CCDC144A: variants seen among roughly 807,000 people sequenced by gnomAD.
The protein encoded by CCDC144A is coiled-coil domain containing 144A, also known as coiled-coil domain-containing protein 144A.
In CCDC144A, 41 loss-of-function variants were observed where a neutral mutation model predicts 143.8. The observed-to-expected ratio is 0.29, with a 90% confidence interval of 0.22 to 0.37. The LOEUF is 0.37. CCDC144A is among the 10% of genes least tolerant of loss of function. The pLI is 1.00. For synonymous variants in CCDC144A, 242 were observed against 517.9 expected (o/e 0.47, Z 7.23); for missense variants, 637 against 1,488.8 (o/e 0.43, Z 9.41).
intron 12 of CCDC144A, among the ~76,000 whole-genome samples, chr17:16,748,675 T>G (rs2143307084): frequency 6.6e-6 from 1 of 152,334 alleles, no homozygotes. Context: ...ACAGCTTTTC[T>G]TTGTATGTCT....
intron 6 of CCDC144A, among the ~76,000 whole-genome samples, chr17:16,719,194 A>T (rs1193465085): frequency 6.6e-6 from 1 of 151,960 alleles, no homozygotes; most frequent in Non-Finnish European, 1.5e-5. Context: ...GTTCTGAAGT[A>T]TCAAAACCAT....
At chr17:16,718,317 TTTC>T (rs1912890493) in intron 6 of CCDC144A, among the ~76,000 whole-genome samples, 1 of 151,914 alleles carries the variant, frequency 6.6e-6, no homozygotes, top group Non-Finnish European at 1.5e-5. Flanking sequence ...GGGAATTTTC[TTTC>T]TTTTTTATTT....
chr17:16,688,214 C>T, upstream of CCDC144A, among the ~76,000 whole-genome samples: 1 of 152,000 alleles, frequency 6.6e-6, no homozygotes, highest in East Asian at 1.9e-4. Flanking sequence ...ACTGCAGCTG[C>T]TCTTGCGGGT....
intron 12 of CCDC144A, among the ~76,000 whole-genome samples, chr17:16,749,527 T>A (rs1843064077): frequency 6.6e-6 from 1 of 152,160 alleles, no homozygotes; most frequent in African/African-American, 2.4e-5. Context: ...GATCTTGGAG[T>A]ATGTTCTTTG....
intron 8 of CCDC144A, among the ~76,000 whole-genome samples, chr17:16,725,533 C>T (rs998590926): frequency 2.4e-4 from 37 of 151,616 alleles, no homozygotes; most frequent in Non-Finnish European, 1.6e-4. Flanking sequence ...GAATGAAAAC[C>T]CAAACATTGT....
Position 16,773,511 on chromosome 17 carries a change from G to A in CCDC144A, c.4156G>A (p.Glu1386Lys), listed in dbSNP as rs1915902787. ...TAEVAAATKY[E>K]PGSYIASPLG... ...TTTTTTTTCAGCTGCTACTAAATAT[G>A]AACCTGGATCCTATATAGCTTCTCC... Residue 1386 changes from glutamate (E) to lysine (K), a missense_variant, in exon 17 of 17, where the codon GAA (glutamate) becomes AAA (lysine). Coordinates refer to ENST00000399273, the MANE Select transcript of CCDC144A (RefSeq NM_001382000.1). The A allele has an allele frequency of 6.5e-7, 1 of 1,541,268 alleles. No homozygotes were observed. Among genetic ancestry groups the A allele is most frequent in the African/African-American group, 1.4e-5 (1 of 72,394 alleles).
At chr17:16,752,317 C>T (rs1914834899) in intron 12 of CCDC144A, among the ~76,000 whole-genome samples, 1 of 152,142 alleles carries the variant, frequency 6.6e-6, no homozygotes, top group Non-Finnish European at 1.5e-5. Flanking sequence ...CGAAACCATC[C>T]CCACCCCACC....
the CCDC144A span, among the ~76,000 whole-genome samples, chr17:16,677,739 A>G: frequency 6.6e-6 from 1 of 151,806 alleles, no homozygotes. Context: ...CCCGGGAGGC[A>G]GATGTTGCAA....
At chr17:16,761,151 C>A (rs575141536) in intron 12 of CCDC144A, among the ~76,000 whole-genome samples, 1 of 151,610 alleles carries the variant, frequency 6.6e-6, no homozygotes, top group South Asian at 2.1e-4. Flanking sequence ...CACGGTGAAA[C>A]CCCATCTACT....
intron 15 of CCDC144A, among the ~76,000 whole-genome samples, chr17:16,770,924 A>G (rs1327049409): frequency 1.3e-5 from 2 of 152,132 alleles, no homozygotes; most frequent in African/African-American, 4.8e-5. Flanking sequence ...TATAAAGCCT[A>G]TCTATAATGT....
intron 2 of CCDC144A, among the ~76,000 whole-genome samples, chr17:16,694,225 A>G (rs1911269144): frequency 6.6e-6 from 1 of 151,992 alleles, no homozygotes. Flanking sequence ...TAAAAAAAAG[A>G]AATTAGTTTC....
At chr17:16,757,183 G>C (rs1188138413) in intron 12 of CCDC144A, among the ~76,000 whole-genome samples, 1 of 152,284 alleles carries the variant, frequency 6.6e-6, no homozygotes, top group East Asian at 1.9e-4. Context: ...TGTGGCACTG[G>C]AGATGACAGT....
intron 2 of CCDC144A, among the ~76,000 whole-genome samples, chr17:16,694,917 C>A (rs1383148590): frequency 6.6e-6 from 1 of 152,248 alleles, no homozygotes; most frequent in Non-Finnish European, 1.5e-5. Flanking sequence ...AATAGCCCAA[C>A]TCTAGGCTCA....
chr17:16,756,187 A>C (rs1439218686), intron 12 of CCDC144A, among the ~76,000 whole-genome samples: 1 of 152,226 alleles, frequency 6.6e-6, no homozygotes, highest in African/African-American at 2.4e-5. Flanking sequence ...ATTTCATTAG[A>C]TAGGTTTTCT....
intron 12 of CCDC144A, among the ~76,000 whole-genome samples, chr17:16,745,006 A>G (rs536963472): frequency 2.2e-4 from 33 of 152,292 alleles, no homozygotes; most frequent in Middle Eastern, 6.8e-3. Flanking sequence ...CCACAAACAC[A>G]TCCATCCAAA....
intron 12 of CCDC144A, among the ~76,000 whole-genome samples, chr17:16,749,591 T>A (rs1436136174): frequency 1.3e-5 from 2 of 152,258 alleles, no homozygotes; most frequent in Non-Finnish European, 2.9e-5. Context: ...ATTCTGTAGA[T>A]GTCTGTTAGG....
intron 12 of CCDC144A, chr17:16,746,827 T>A: frequency 2.6e-6 from 3 of 1,151,814 alleles, no homozygotes; most frequent in Non-Finnish European, 3.8e-6. Flanking sequence ...AGGCACCGCG[T>A]ACCGCGCTGG....
chr17:16,718,292 G>A (rs1488162650), intron 6 of CCDC144A, among the ~76,000 whole-genome samples: 2 of 152,050 alleles, frequency 1.3e-5, no homozygotes, highest in Non-Finnish European at 2.9e-5. Flanking sequence ...AACTGAAGAA[G>A]AATGTGGGAT....
At chr17:16,689,489 T>C (rs1017828837), upstream of CCDC144A, 4 of 153,122 alleles carry the variant, frequency 2.6e-5, no homozygotes, top group African/African-American at 7.2e-5. Context: ...CCACCGCGCC[T>C]GGCCGTCACT....
Sources: gnomAD v4.1 joint callset for allele counts (sites outside exome capture counted in the v4.1 genomes callset) on GRCh38, gnomAD v4.1.1 for gene constraint, MANE v1.5 for transcripts, NCBI Gene and HGNC (gene_info 2026-07-23, HGNC 2026-07-21) for gene names.